LIMCH1: variants seen among roughly 807,000 people sequenced by gnomAD.
LIMCH1 encodes the protein LIM and calponin homology domains-containing protein 1.
A neutral mutation model predicts 176.5 loss-of-function variants in LIMCH1; 113 were observed. That is an observed-to-expected ratio of 0.64 (90% confidence interval 0.55 to 0.75). LIMCH1 has a LOEUF of 0.75. LIMCH1 is among the 30% of genes least tolerant of loss of function. The probability of loss-of-function intolerance (pLI) is 0.00; values close to 1 mark genes in which losing one functional copy is unlikely to be tolerated. For synonymous variants in LIMCH1, 619 were observed against 645.9 expected, an observed-to-expected ratio of 0.96 and a Z score of 0.63; for missense variants, 1,674 against 1,814.9, an observed-to-expected ratio of 0.92 and a Z score of 1.41.
intron 1 of LIMCH1, among the ~76,000 whole-genome samples, chr4:41,473,738 C>T (rs766157471): frequency 9.2e-5 from 14 of 152,000 alleles, no homozygotes; most frequent in Middle Eastern, 3.2e-3. Flanking sequence ...TTCTGCACAG[C>T]GAAGGAAACA....
At chr4:41,540,413 C>T (rs2078475566) in intron 1 of LIMCH1, among the ~76,000 whole-genome samples, 1 of 152,146 alleles carries the variant, frequency 6.6e-6, no homozygotes. Context: ...TAAACCTTCT[C>T]TTGTCCTGTA....
chr4:41,684,406 A>G lies in LIMCH1; in HGVS notation c.3855A>G (p.Glu1285=), dbSNP rs1560375075. ...CTCTTTATTTTAACAGCCTAACTGA[A>G]GGGGCCTTGGCTCATTCTGGGAACC... ...DRLEEKGSLT[E]GALAHSGNPV... is the part of the protein sequence containing the mutation. Residue 1285 remains glutamate, a synonymous_variant, in exon 27 of 32, where the codon GAA becomes GAG. Transcript: ENST00000503057. 3.1e-6 allele frequency: 5 copies of G among 1,613,194 alleles called. No homozygotes were observed. In the African/African-American group the frequency reaches 5.3e-5, roughly 17 times the overall value.
chr4:41,515,311 AT>A (rs1396041860), intron 2 of LIMCH1, among the ~76,000 whole-genome samples: 1 of 152,088 alleles, frequency 6.6e-6, no homozygotes, highest in East Asian at 1.9e-4. Flanking sequence ...CAGCTTTTCT[AT>A]TGCCTTCCGC....
At chr4:41,605,455 C>T (rs1368688941) in intron 3 of LIMCH1, among the ~76,000 whole-genome samples, 1 of 152,150 alleles carries the variant, frequency 6.6e-6, no homozygotes, top group Non-Finnish European at 1.5e-5. Flanking sequence ...CTTAGCGGAA[C>T]CTCTGTGCCC....
At chr4:41,568,537 T>C (rs1320556868) in intron 1 of LIMCH1, among the ~76,000 whole-genome samples, 1 of 152,222 alleles carries the variant, frequency 6.6e-6, no homozygotes, top group African/African-American at 2.4e-5. Flanking sequence ...CAAAAACTAA[T>C]GCGAGAAAAA....
intron 1 of LIMCH1, among the ~76,000 whole-genome samples, chr4:41,406,965 ACG>A (rs2059022128): frequency 6.6e-6 from 1 of 152,202 alleles, no homozygotes; most frequent in African/African-American, 2.4e-5. Context: ...GTTTGAGAGC[ACG>A]GGTACGAGTG....
Position 41,692,309 on chromosome 4 carries a change from G to A in LIMCH1, c.4303G>A (p.Asp1435Asn), listed in dbSNP as rs772210170. The A allele has an allele frequency of 1.7e-5, 28 of 1,612,902 alleles. No homozygotes were observed. Among genetic ancestry groups the A allele is most frequent in the Non-Finnish European group, 2.3e-5 (27 of 1,179,050 alleles). ...RCGICKGQLG[D>N]AVSGTDVRIR... is the part of the protein sequence containing the mutation. ...TGGAATTTGTAAAGGCCAGCTTGGA[G>A]ATGCAGTGAGTGGGACGGATGTTAG... The change falls in exon 31 of 32, where the codon GAT becomes AAT. Residue 1435 changes from aspartate (D) to asparagine (N), a missense_variant. Physicochemically the swap from Asp to Asn is conservative, Grantham distance 23. Around this residue, in one of 3 missense-constraint regions of LIMCH1, gnomAD observed 1,015 missense variants for 1,102.5 expected, o/e 0.92. Coordinates refer to ENST00000503057, the MANE Select transcript of LIMCH1 (RefSeq NM_001330672.2).
Position 41,676,411 on chromosome 4 carries a change from G to A in LIMCH1, c.3468G>A (p.Glu1156=). 6.2e-7 allele frequency: 1 copy of A among 1,613,992 alleles called. No homozygotes were observed. Residue 1156 remains glutamate (E), a synonymous_variant, in exon 23 of 32, where the codon GAG becomes GAA. Coordinates refer to ENST00000503057, the MANE Select transcript of LIMCH1 (RefSeq NM_001330672.2). ...AGTTCTGGGCATGGGACCCAGAAGAGGAGCGCAGGCGACAGGAAAAATGGC... is the reference window on the plus strand; with the variant it reads ...AGTTCTGGGCATGGGACCCAGAAGAAGAGCGCAGGCGACAGGAAAAATGGC... ...PFKFWAWDPE[E]ERRRQEKWQQ... is the part of the protein sequence containing the mutation.
intron 1 of LIMCH1, among the ~76,000 whole-genome samples, chr4:41,593,416 C>G (rs2088046594): frequency 6.6e-6 from 1 of 152,198 alleles, no homozygotes; most frequent in Non-Finnish European, 1.5e-5. Flanking sequence ...TGGTAACTTT[C>G]CATCAGTAGC....
At chr4:41,479,913 C>T (rs572306001) in intron 1 of LIMCH1, among the ~76,000 whole-genome samples, 14 of 152,324 alleles carry the variant, frequency 9.2e-5, no homozygotes, top group East Asian at 1.9e-4. Flanking sequence ...AACCCAAATC[C>T]ATCGTTGAAG....
At chr4:41,650,282 A>G in intron 17 of LIMCH1, 111 bp from the exon 18 acceptor site, 1 of 753,572 alleles carries the variant, frequency 1.3e-6, no homozygotes, top group Non-Finnish European at 2.2e-6. Flanking sequence ...CCTTCATTGG[A>G]CTCTGGTTAT....
At chr4:41,657,987 G>A (rs563324825) in intron 18 of LIMCH1, among the ~76,000 whole-genome samples, 1 of 152,298 alleles carries the variant, frequency 6.6e-6, no homozygotes, top group East Asian at 1.9e-4. Context: ...ACTCTTAGGT[G>A]ATAGATTGCC....
At chr4:41,651,094 C>T (rs775455485) in intron 18 of LIMCH1, among the ~76,000 whole-genome samples, 3 of 152,018 alleles carry the variant, frequency 2.0e-5, no homozygotes, top group Non-Finnish European at 4.4e-5. Flanking sequence ...GCAACCTCTG[C>T]CTCCAGGCTT....
intron 1 of LIMCH1, among the ~76,000 whole-genome samples, chr4:41,373,564 G>A (rs1281758577): frequency 1.3e-5 from 2 of 152,208 alleles, no homozygotes; most frequent in Non-Finnish European, 2.9e-5. Flanking sequence ...TTATGGCCTG[G>A]CAAATTCTGT....
intron 18 of LIMCH1, among the ~76,000 whole-genome samples, chr4:41,655,847 G>A (rs190968022): frequency 3.0e-4 from 45 of 151,946 alleles, no homozygotes; most frequent in African/African-American, 1.1e-3. Flanking sequence ...AGCTCTTTTT[G>A]CCTCTCCTTT....
intron 1 of LIMCH1, among the ~76,000 whole-genome samples, chr4:41,410,969 G>T (rs904149207): frequency 2.0e-5 from 3 of 152,156 alleles, no homozygotes; most frequent in Non-Finnish European, 4.4e-5. Context: ...TGTTTGTAGA[G>T]GTTCACACAG....
upstream of LIMCH1, among the ~76,000 whole-genome samples, chr4:41,534,474 G>A (rs2077660051): frequency 6.6e-6 from 1 of 152,152 alleles, no homozygotes; most frequent in Admixed American, 6.5e-5. Flanking sequence ...CCATTAATAG[G>A]AATCATGGGA....
At position 41,366,312 on chromosome 4, in the gene LIMCH1, T is replaced by A. The variant is rs182933030; in HGVS notation, c.96+5376T>A. 3.3e-5 allele frequency among the ~76,000 whole-genome samples: 5 copies of A among 152,362 alleles called. No individual in the cohort carries two copies. In the East Asian group the frequency reaches 9.6e-4, roughly 29 times the overall value. ...TTTTGTATTTTGGCCTTGATTTTCA[T>A]GATTCAGGACAGAATCAGTTAACAC... On this transcript the variant is annotated intron_variant, in intron 1 of 26. Transcript: ENST00000313860.
In LIMCH1 at chr4:41,438,361, T is replaced by C. The variant is rs1284686851; in HGVS notation, c.97-56175T>C. ...TGATTACAGTGCTTGTGCCTTTTAA[T>C]TTTTCTTTTCTTTTCTTTTTTTTTT... On this transcript the variant is annotated intron_variant, in intron 1 of 26. Transcript: ENST00000313860. Among the ~76,000 whole-genome samples the C allele has an allele frequency of 2.6e-5, 4 of 152,138 alleles. No individual in the cohort carries two copies. In the South Asian group the frequency reaches 8.3e-4, roughly 32 times the overall value.
Sources: gnomAD v4.1 joint callset for allele counts (sites outside exome capture counted in the v4.1 genomes callset) on GRCh38, gnomAD v4.1.1 for gene constraint, gnomAD v4.1.1 regional missense constraint, MANE v1.5 for transcripts, NCBI Gene and HGNC (gene_info 2026-07-23, HGNC 2026-07-21) for gene names.